ADAMTS17: variants seen among roughly 807,000 people sequenced by gnomAD.
ADAMTS17 encodes A disintegrin and metalloproteinase with thrombospondin motifs 17.
Under a neutral mutation model 141.5 loss-of-function variants are expected in ADAMTS17, and 113 were observed. The ratio of observed to expected loss-of-function variants is 0.80; its 90% confidence interval spans 0.69 to 0.93. The LOEUF is 0.93. ADAMTS17 is among the 40% of genes least tolerant of loss of function. The pLI is 0.00. For synonymous variants in ADAMTS17, 768 were observed against 630.6 expected (o/e 1.22, Z -3.27); for missense variants, 1,659 against 1,517.9 (o/e 1.09, Z -1.54).
chr15:99,977,386 ATATATATATATATAATTTTT>A (rs2060377893), intron 20 of ADAMTS17, among the ~76,000 whole-genome samples: 1 of 11,478 alleles, frequency 8.7e-5, no homozygotes, highest in African/African-American at 3.4e-4. Context: ...ATATATATAT[ATATATATATATATAATTTTT>A]TTTTTTTTTT....
chr15:100,151,646 C>A (rs2039170151), intron 10 of ADAMTS17, among the ~76,000 whole-genome samples: 1 of 152,190 alleles, frequency 6.6e-6, no homozygotes, highest in South Asian at 2.1e-4. Context: ...ATACCCCTGG[C>A]TGGTTCCCCT....
intron 7 of ADAMTS17, among the ~76,000 whole-genome samples, chr15:100,236,672 T>C (rs2042665873): frequency 6.6e-6 from 1 of 152,136 alleles, no homozygotes; most frequent in South Asian, 2.1e-4. Flanking sequence ...ACCTTGTTTC[T>C]ACATAAAATA....
At chr15:100,014,379 C>T (rs1323824880) in intron 18 of ADAMTS17, among the ~76,000 whole-genome samples, 1 of 152,000 alleles carries the variant, frequency 6.6e-6, no homozygotes, top group Non-Finnish European at 1.5e-5. Context: ...TTTAGTTCTG[C>T]TCTGATCTTG....
intron 4 of ADAMTS17, among the ~76,000 whole-genome samples, chr15:100,267,212 A>G (rs2043746613): frequency 6.6e-6 from 1 of 151,442 alleles, no homozygotes; most frequent in South Asian, 2.1e-4. Flanking sequence ...CACTGCAGTT[A>G]CCTCATGTAA....
intron 15 of ADAMTS17, among the ~76,000 whole-genome samples, chr15:100,072,466 A>G (rs568161661): frequency 4.6e-5 from 7 of 151,476 alleles, no homozygotes; most frequent in South Asian, 2.1e-4. Context: ...CTAAGCCAAA[A>G]GAACAAAGCT....
chr15:100,120,637 C>A (rs965441862), intron 12 of ADAMTS17, among the ~76,000 whole-genome samples: 1 of 152,202 alleles, frequency 6.6e-6, no homozygotes, highest in Non-Finnish European at 1.5e-5. Flanking sequence ...GGAAAAGATA[C>A]AGGTTCAAAA....
At chr15:99,984,453 C>T (rs143509090) in intron 20 of ADAMTS17, among the ~76,000 whole-genome samples, 13 of 152,316 alleles carry the variant, frequency 8.5e-5, no homozygotes, top group South Asian at 8.3e-4. Context: ...GACTGTTCTT[C>T]GAACACGTGA....
At chr15:100,117,692 T>G (rs751566495) in intron 12 of ADAMTS17, among the ~76,000 whole-genome samples, 17 of 152,176 alleles carry the variant, frequency 1.1e-4, no homozygotes, top group Non-Finnish European at 2.2e-4. Flanking sequence ...TGTGAGGGCC[T>G]GGCTGGCAAA....
intron 18 of ADAMTS17, among the ~76,000 whole-genome samples, chr15:100,021,924 A>T (rs1417534316): frequency 6.6e-6 from 1 of 151,914 alleles, no homozygotes; most frequent in Non-Finnish European, 1.5e-5. Context: ...CAGGTCCTAG[A>T]TGTTCTCTCT....
At chr15:99,977,360 AT>A (rs1320086231) in intron 20 of ADAMTS17, among the ~76,000 whole-genome samples, 2 of 3,616 alleles carry the variant, frequency 5.5e-4, no homozygotes, top group Non-Finnish European at 1.1e-3. Flanking sequence ...ATATATATAT[AT>A]ATATATATAT....
intron 7 of ADAMTS17, among the ~76,000 whole-genome samples, chr15:100,224,157 C>G (rs942360798): frequency 6.6e-6 from 1 of 152,190 alleles, no homozygotes; most frequent in African/African-American, 2.4e-5. Flanking sequence ...CAGACACACC[C>G]AGGATTAATA....
In ADAMTS17 at chr15:100,332,151, A is replaced by G. The variant is rs2046072816; in HGVS notation, c.451-1097T>C. Among the ~76,000 whole-genome samples, 3 of 152,200 alleles carry G rather than the reference A, an allele frequency of 2.0e-5. No homozygotes were observed. The South Asian group carries it at 6.2e-4, about 32-fold the overall frequency. Reference sequence around the variant, plus strand: ...TTTCATTAGAACTTTTGCCAAGAAAAACTCAAAGATTTTACTGCCCAAATA... The same window carrying G: ...TTTCATTAGAACTTTTGCCAAGAAAGACTCAAAGATTTTACTGCCCAAATA... On this transcript the variant is annotated intron_variant, in intron 2 of 21. Transcript: ENST00000268070.
intron 20 of ADAMTS17, among the ~76,000 whole-genome samples, chr15:99,987,460 G>T (rs1447427230): frequency 2.0e-5 from 3 of 152,310 alleles, no homozygotes; most frequent in Middle Eastern, 6.8e-3. Context: ...CACTTTGTCT[G>T]CTGCCTTCAA....
intron 3 of ADAMTS17, among the ~76,000 whole-genome samples, chr15:100,304,592 T>C (rs145816733): frequency 7.5e-4 from 115 of 152,350 alleles, no homozygotes; most frequent in African/African-American, 2.7e-3. Context: ...CCATTCTCTG[T>C]AATCCATTCC....
chr15:100,336,101 CTTCT>C (rs1173059761), intron 2 of ADAMTS17, among the ~76,000 whole-genome samples: 10 of 152,368 alleles, frequency 6.6e-5, no homozygotes, highest in Admixed American at 3.3e-4. Context: ...CCATCTTTTA[CTTCT>C]TTTTCGTTTG....
At chr15:100,202,522 G>A (rs1255398303) in intron 7 of ADAMTS17, among the ~76,000 whole-genome samples, 1 of 152,202 alleles carries the variant, frequency 6.6e-6, no homozygotes, top group Non-Finnish European at 1.5e-5. Context: ...TGCTTAGAAT[G>A]CACAAAACAA....
At chr15:99,985,017 G>A (rs536638015) in intron 20 of ADAMTS17, among the ~76,000 whole-genome samples, 2 of 152,198 alleles carry the variant, frequency 1.3e-5, no homozygotes, top group South Asian at 2.1e-4. Flanking sequence ...TCACTTCCCC[G>A]CGGCCACCCC....
intron 7 of ADAMTS17, among the ~76,000 whole-genome samples, chr15:100,225,037 C>G (rs1208595667): frequency 6.6e-6 from 1 of 152,208 alleles, no homozygotes; most frequent in Non-Finnish European, 1.5e-5. Flanking sequence ...GAACCAAGTC[C>G]TCCCTGTTAC....
chr15:99,975,453 A>G (rs1257893278), intron 21 of ADAMTS17, among the ~76,000 whole-genome samples: 1 of 151,998 alleles, frequency 6.6e-6, no homozygotes, highest in African/African-American at 2.4e-5. Flanking sequence ...CAGGTGATCC[A>G]CCCATCTCGG....
Sources: gnomAD v4.1 joint callset for allele counts (sites outside exome capture counted in the v4.1 genomes callset) on GRCh38, gnomAD v4.1.1 for gene constraint, MANE v1.5 for transcripts, NCBI Gene and HGNC (gene_info 2026-07-23, HGNC 2026-07-21) for gene names.